Variants in ZNF208 observed in about 807,000 individuals in gnomAD.
The protein encoded by ZNF208 is zinc finger protein 208.
In ZNF208, 10 loss-of-function variants were observed where a neutral mutation model predicts 12.1. The ratio of observed to expected loss-of-function variants is 0.83; its 90% CI spans 0.51 to 1.40. The LOEUF is 1.40. Among genes scored for constraint, ZNF208 ranks in the 40% most tolerant of loss-of-function variants. The pLI, the probability that ZNF208 is intolerant of heterozygous loss-of-function variation, is 0.00. For synonymous variants in ZNF208, 497 were observed against 488.4 expected (o/e 1.02, Z -0.23); for missense variants, 1,652 against 1,485.0 (o/e 1.11, Z -1.85).
At chr19:21,997,797 T>C (rs980813888) in intron 1 of ZNF208, 5 of 152,694 alleles carry the variant, frequency 3.3e-5, no homozygotes, top group Admixed American at 2.6e-4. Context: ...GGTTTTAGCA[T>C]GAGTCCAGAT....
intron 3 of ZNF208, among the ~76,000 whole-genome samples, chr19:21,981,576 T>C (rs1970539668): frequency 6.6e-6 from 1 of 152,168 alleles, no homozygotes; most frequent in South Asian, 2.1e-4. Context: ...ATAAGAGCTA[T>C]GTATGACAAA....
chr19:21,995,741 T>C lies in ZNF208; in HGVS notation c.4-6832A>G, dbSNP rs181885139. On this transcript the variant is annotated intron_variant, in intron 1 of 3. Transcript: ENST00000397126. ...AGGTAGGTATAGTTGTGGTCATGGC[T>C]CTGGATACTTTGTGGTCTTAAGATG... Among the ~76,000 whole-genome samples, 397 of 152,342 alleles carry C rather than the reference T, an allele frequency of 2.6e-3. 5 individuals are homozygous for C. In the Middle Eastern group the frequency reaches 0.027, roughly 10 times the overall value.
intron 1 of ZNF208, among the ~76,000 whole-genome samples, chr19:22,005,986 T>C (rs1244048803): frequency 1.3e-5 from 2 of 152,044 alleles, no homozygotes; most frequent in African/African-American, 2.4e-5. Context: ...TATTTTCTTC[T>C]TCTTCTCATT....
intron 3 of ZNF208, chr19:21,986,949 C>A: frequency 2.3e-6 from 1 of 426,530 alleles, no homozygotes; most frequent in Non-Finnish European, 4.1e-6. Context: ...AAAGATTGTG[C>A]ACTCTCTTGT....
chr19:21,942,913 T>A (rs1445163942), intron 4 of ZNF208, among the ~76,000 whole-genome samples: 1 of 152,190 alleles, frequency 6.6e-6, no homozygotes, highest in Non-Finnish European at 1.5e-5. Flanking sequence ...CCTCCCAAAG[T>A]GCTAGGATTA....
chr19:21,948,228 A>G (rs1179360740), intron 4 of ZNF208, among the ~76,000 whole-genome samples: 3 of 152,190 alleles, frequency 2.0e-5, no homozygotes, highest in Non-Finnish European at 4.4e-5. Flanking sequence ...TAAAGAAAAA[A>G]TGGCTTATAT....
chr19:21,973,110 A>T lies in ZNF208; in HGVS notation c.1924T>A (p.Cys642Ser), dbSNP rs570396629. The T allele has an allele frequency of 5.6e-6, 9 of 1,613,376 alleles. No individual in the cohort carries two copies. The East Asian group carries it at 2.0e-4, about 36-fold the overall frequency. ...GAGACCTTAATAAAGGTTTTGCCACATTCTTTACATTTGTAGGGCTTCTCT... is the reference window on the plus strand; with the variant it reads ...GAGACCTTAATAAAGGTTTTGCCACTTTCTTTACATTTGTAGGGCTTCTCT... ...AGEKPYKCKE[C>S]GKTFIKVSTL... is the part of the protein sequence containing the mutation. Residue 642 changes from cysteine (C) to serine (S), a missense_variant, in exon 4 of 4, where the codon TGT becomes AGT. Cys to Ser is a moderately radical substitution (Grantham distance 112). Transcript: ENST00000397126.
chr19:22,006,865 T>G (rs1196050933), intron 1 of ZNF208, among the ~76,000 whole-genome samples: 5 of 152,224 alleles, frequency 3.3e-5, no homozygotes, highest in Non-Finnish European at 5.9e-5. Context: ...GCAAATGTAT[T>G]TATTTCTTTT....
At chr19:21,976,311 T>C (rs947583610) in intron 3 of ZNF208, among the ~76,000 whole-genome samples, 2 of 152,170 alleles carry the variant, frequency 1.3e-5, no homozygotes, top group African/African-American at 4.8e-5. Context: ...GTTGTATTTT[T>C]AGGTTCTATG....
downstream of ZNF208, among the ~76,000 whole-genome samples, chr19:21,963,010 G>A (rs1055236084): frequency 1.3e-5 from 2 of 151,998 alleles, no homozygotes; most frequent in African/African-American, 4.8e-5. Context: ...ATTATAAACT[G>A]TATTTCACAT....
intron 4 of ZNF208, among the ~76,000 whole-genome samples, chr19:21,959,131 G>A (rs367932851): frequency 2.0e-5 from 3 of 152,024 alleles, no homozygotes; most frequent in East Asian, 3.9e-4. Context: ...ATAGTTTTAT[G>A]TCTGAGCACT....
intron 3 of ZNF208, among the ~76,000 whole-genome samples, chr19:21,983,509 C>T (rs1300002067): frequency 1.3e-5 from 2 of 152,122 alleles, no homozygotes; most frequent in African/African-American, 4.8e-5. Context: ...TGGGTATATA[C>T]TCAGAAGATT....
intron 4 of ZNF208, among the ~76,000 whole-genome samples, chr19:21,954,566 T>C (rs954239151): frequency 2.6e-5 from 4 of 152,232 alleles, no homozygotes; most frequent in African/African-American, 9.6e-5. Context: ...TCTTGTTGCA[T>C]TGATCCCTTT....
At position 21,971,133 on chromosome 19, in the gene ZNF208, T is replaced by C. The variant is rs939825436; in HGVS notation, c.*58A>G. On this transcript the variant is annotated 3_prime_UTR_variant, in exon 4 of 4. Coordinates refer to ENST00000397126, the MANE Select transcript of ZNF208 (RefSeq NM_007153.3). Reference sequence around the variant, plus strand: ...TAGGGTTTCTCTCCAGTATGAATTTTCTTATGATAACTAAGGGTTGAGGGC... The same window carrying C: ...TAGGGTTTCTCTCCAGTATGAATTTCCTTATGATAACTAAGGGTTGAGGGC... The C allele has an allele frequency of 2.0e-5, 33 of 1,612,730 alleles. No homozygotes were observed. The highest frequency in any genetic ancestry group is 1.6e-4 in the Middle Eastern group (1 of 6,080).
Position 21,986,706 on chromosome 19 carries a change from A to G in ZNF208, c.226+510T>C, listed in dbSNP as rs1374398550. 8 of 224,192 alleles carry G rather than the reference A, an allele frequency of 3.6e-5. No individual in the cohort carries two copies. In the East Asian group the frequency reaches 5.8e-4, roughly 16 times the overall value. The allele number at this position is 224,192 out of a possible 1,614,324, so 13.9% of individuals were successfully genotyped here. ...ATAGCCAAAGCAATCTTGAAGAAAA[A>G]GAAAAAAGCAGAAGGACATCATACT... On this transcript the variant is annotated intron_variant, in intron 3 of 3. Coordinates refer to ENST00000397126, the MANE Select transcript of ZNF208 (RefSeq NM_007153.3).
At chr19:21,962,669 C>T (rs775868379), downstream of ZNF208, among the ~76,000 whole-genome samples, 3 of 152,088 alleles carry the variant, frequency 2.0e-5, no homozygotes, top group African/African-American at 7.2e-5. Context: ...GTGAGTAGAG[C>T]TGAGAAAAGC....
At chr19:21,941,288 T>G (rs1183457269) in intron 4 of ZNF208, 2 of 399,050 alleles carry the variant, frequency 5.0e-6, no homozygotes, top group Non-Finnish European at 8.8e-6. Flanking sequence ...AGGCAGACGC[T>G]AACGCAGTGC....
chr19:21,948,650 G>A (rs1294752142), intron 4 of ZNF208, among the ~76,000 whole-genome samples: 1 of 152,140 alleles, frequency 6.6e-6, no homozygotes, highest in Non-Finnish European at 1.5e-5. Context: ...GTGAGCCCCA[G>A]GAAAGTTCTC....
At chr19:21,948,907 TAA>T (rs934542473) in intron 4 of ZNF208, among the ~76,000 whole-genome samples, 5 of 152,138 alleles carry the variant, frequency 3.3e-5, no homozygotes, top group Non-Finnish European at 7.3e-5. Flanking sequence ...CAATGACCCT[TAA>T]ATATTCTAAT....
Sources: allele counts gnomAD v4.1 joint callset (sites outside exome capture counted in the v4.1 genomes callset), GRCh38; gene constraint gnomAD v4.1.1; transcripts MANE v1.5; gene names NCBI Gene and HGNC (gene_info 2026-07-23, HGNC 2026-07-21).